The following ACOT7 variants were observed in gnomAD, a reference collection of about 807,000 sequenced individuals.
The protein encoded by ACOT7 is acyl-CoA thioesterase 7, also known as cytosolic acyl coenzyme A thioester hydrolase.
ACOT7 carries 12 observed loss-of-function variants against 40.2 expected under a neutral mutation model. The ratio of observed to expected loss-of-function variants is 0.30; its 90% CI spans 0.19 to 0.48. The LOEUF (loss-of-function observed/expected upper bound fraction) is 0.48. ACOT7 is among the 20% of genes least tolerant of loss of function. ACOT7 has a pLI of 0.99. For synonymous variants in ACOT7, 228 were observed against 219.5 expected (o/e 1.04, Z -0.34); for missense variants, 395 against 530.8 (o/e 0.74, Z 2.51).
intron 8 of ACOT7, among the ~76,000 whole-genome samples, chr1:6,270,090 T>C (rs979474536): frequency 2.1e-4 from 32 of 152,158 alleles, no homozygotes; most frequent in African/African-American, 7.7e-4. Flanking sequence ...GCAGCCAGCC[T>C]CCCCAGGTCA....
intron 1 of ACOT7, among the ~76,000 whole-genome samples, chr1:6,365,743 G>C (rs1035643124): frequency 5.6e-5 from 8 of 142,974 alleles, no homozygotes; most frequent in Non-Finnish European, 1.2e-4. Flanking sequence ...ACTCCAGCCT[G>C]GGCAACAGAG....
intron 1 of ACOT7, among the ~76,000 whole-genome samples, chr1:6,363,201 C>T (rs1641927153): frequency 6.6e-6 from 1 of 152,178 alleles, no homozygotes; most frequent in Admixed American, 6.5e-5. Context: ...CAAGTGCGAG[C>T]CTTCTGTTAT....
At position 6,360,475 on chromosome 1, in the gene ACOT7, C is replaced by T. The variant is rs576517351; in HGVS notation, c.144-10609G>A. 26 of 1,507,612 alleles carry T rather than the reference C, an allele frequency of 1.7e-5. No individual in the cohort carries two copies. The East Asian group carries it at 2.1e-4, about 12-fold the overall frequency. The allele number at this position is 1,507,612 out of a possible 1,614,324, so 93.4% of individuals were successfully genotyped here. On this transcript the variant is annotated intron_variant, in intron 1 of 8. Transcript: ENST00000361521. ...CAGGGCCAGGGTCTTGAAGCCACAG[C>T]GTCTCCCACCCTGGCACACAGGACA... is the stretch of plus-strand genomic sequence containing the variant.
chr1:6,327,480 T>A (rs1640836782), intron 4 of ACOT7, 67 bp from the exon 5 acceptor site: 2 of 1,464,142 alleles, frequency 1.4e-6, no homozygotes, highest in Admixed American at 3.5e-5. Flanking sequence ...TGGGCGGCCA[T>A]GATCCCAGGC....
At chr1:6,342,181 G>A (rs974310489) in intron 2 of ACOT7, among the ~76,000 whole-genome samples, 23 of 152,304 alleles carry the variant, frequency 1.5e-4, no homozygotes, top group African/African-American at 5.3e-4. Context: ...GGTAAGGGCC[G>A]GCTTCCTGGT....
chr1:6,276,926 G>C (rs1202214749), intron 8 of ACOT7, among the ~76,000 whole-genome samples: 1 of 152,086 alleles, frequency 6.6e-6, no homozygotes, highest in African/African-American at 2.4e-5. Flanking sequence ...ATTCAAGCTG[G>C]CGCCCTTCCC....
intron 1 of ACOT7, among the ~76,000 whole-genome samples, chr1:6,388,737 TAAAA>T (rs34026058): frequency 1.2e-5 from 1 of 84,636 alleles, no homozygotes; most frequent in African/African-American, 4.5e-5. Context: ...GAGACTCTCT[TAAAA>T]AAAAAAAAAA....
At chr1:6,280,861 C>G (rs1170554311) in intron 8 of ACOT7, among the ~76,000 whole-genome samples, 1 of 151,996 alleles carries the variant, frequency 6.6e-6, no homozygotes, top group Non-Finnish European at 1.5e-5. Context: ...ACCCCACGGG[C>G]CCTGGGAGTA....
In ACOT7 at chr1:6,358,440, A is replaced by C. The variant is rs1182846302; in HGVS notation, c.144-8574T>G. Among the ~76,000 whole-genome samples, 1 of 152,176 alleles carries C rather than the reference A, an allele frequency of 6.6e-6. No individual in the cohort carries two copies. Among genetic ancestry groups the C allele is most frequent in the Non-Finnish European group, 1.5e-5 (1 of 67,996 alleles). Reference sequence around the variant, plus strand: ...GACCCCCCCTCCACCGCAGGTAGGAAGCTCAGCAGCGCTGGGAAACCGCAG... The same window carrying C: ...GACCCCCCCTCCACCGCAGGTAGGACGCTCAGCAGCGCTGGGAAACCGCAG... On this transcript the variant is annotated intron_variant, in intron 1 of 8. Transcript: ENST00000361521. This position sits in a 1 kb window ranked among gnomAD's most constrained non-coding sequence, Gnocchi z 4.1.
At chr1:6,327,083 G>T (rs550696647) in intron 5 of ACOT7, among the ~76,000 whole-genome samples, 87 of 152,334 alleles carry the variant, frequency 5.7e-4, no homozygotes, top group African/African-American at 2.1e-3. Context: ...AGTCACGCAG[G>T]TCGCCTTCCA....
intron 1 of ACOT7, among the ~76,000 whole-genome samples, chr1:6,372,595 G>C (rs1571350194): frequency 6.9e-6 from 1 of 145,762 alleles, no homozygotes; most frequent in African/African-American, 2.6e-5. Flanking sequence ...CTGTCGCCCA[G>C]GTTGGAGTGC....
At chr1:6,341,755 T>A (rs2148447232) in intron 2 of ACOT7, among the ~76,000 whole-genome samples, 1 of 149,198 alleles carries the variant, frequency 6.7e-6, no homozygotes, top group East Asian at 2.0e-4. Flanking sequence ...AAAAAAAATT[T>A]TTTTCAATGT....
chr1:6,290,591 T>C (rs905882315), intron 7 of ACOT7, among the ~76,000 whole-genome samples: 25 of 152,254 alleles, frequency 1.6e-4, no homozygotes, highest in African/African-American at 6.0e-4. Flanking sequence ...AAATTTATAC[T>C]TGACTTAAGG....
chr1:6,310,759 A>T (rs1023475823), intron 6 of ACOT7, among the ~76,000 whole-genome samples: 4 of 151,970 alleles, frequency 2.6e-5, no homozygotes, highest in Non-Finnish European at 5.9e-5. Context: ...TTTGAGACAG[A>T]GTCTTGTTCT....
intron 8 of ACOT7, among the ~76,000 whole-genome samples, chr1:6,268,090 G>T (rs1638904453): frequency 6.6e-6 from 1 of 152,200 alleles, no homozygotes; most frequent in South Asian, 2.1e-4. Context: ...GGGGCTGGGG[G>T]ACCAGTGGTG....
At chr1:6,347,187 G>A (rs942751701) in intron 2 of ACOT7, among the ~76,000 whole-genome samples, 4 of 152,070 alleles carry the variant, frequency 2.6e-5, no homozygotes, top group Non-Finnish European at 4.4e-5. Context: ...TCACCCCCAC[G>A]CCCTGGGGCT....
At chr1:6,302,057 A>G (rs1236971792) in intron 6 of ACOT7, among the ~76,000 whole-genome samples, 1 of 152,244 alleles carries the variant, frequency 6.6e-6, no homozygotes, top group African/African-American at 2.4e-5. Context: ...TAATCCCACC[A>G]TGTGTGTCTA....
intron 4 of ACOT7, among the ~76,000 whole-genome samples, chr1:6,327,972 C>T (rs909264451): frequency 6.6e-5 from 10 of 151,996 alleles, no homozygotes; most frequent in African/African-American, 2.4e-4. Flanking sequence ...TGGGGTTTCA[C>T]GATGTTGGCC....
At chr1:6,385,983 TG>T (rs1438008977) in intron 1 of ACOT7, among the ~76,000 whole-genome samples, 22 of 152,050 alleles carry the variant, frequency 1.4e-4, no homozygotes, top group Non-Finnish European at 2.4e-4. Flanking sequence ...ATGAACTGGG[TG>T]GGGCCACAAG....
Sources: allele counts gnomAD v4.1 joint callset (sites outside exome capture counted in the v4.1 genomes callset), GRCh38; gene constraint gnomAD v4.1.1; non-coding constraint Gnocchi (gnomAD v3.1); transcripts MANE v1.5; gene names NCBI Gene and HGNC (gene_info 2026-07-23, HGNC 2026-07-21).